Variants in WWOX observed in about 807,000 individuals in gnomAD.
The protein encoded by WWOX is WW domain-containing oxidoreductase.
Under a neutral mutation model 46.2 loss-of-function variants are expected in WWOX, and 69 were observed. The ratio of observed to expected loss-of-function variants is 1.49; its 90% confidence interval spans 1.23 to 1.82. The LOEUF (loss-of-function observed/expected upper bound fraction) is 1.82. Among genes scored for constraint, WWOX ranks in the 40% most tolerant of loss-of-function variants. The pLI is 0.00. For missense variants in WWOX, 919 were observed against 542.6 expected (o/e 1.69, Z -6.89); for synonymous variants, 359 against 202.6 (o/e 1.77, Z -6.56).
rs2085227750 is a variant in WWOX, at chr16:78,507,098, T to A, written c.1056+74346T>A. 2.0e-5 allele frequency among the ~76,000 whole-genome samples: 3 copies of A among 152,150 alleles called. No individual in the cohort carries two copies. In the South Asian group the frequency reaches 6.2e-4, roughly 32 times the overall value. ...CTAGCAGGAGCAACATCATCCCAAA[T>A]AAAGTGATAGACTTTGATAGTGTTC... On this transcript the variant is annotated intron_variant, in intron 8 of 8. Coordinates refer to ENST00000566780, the MANE Select transcript of WWOX (RefSeq NM_016373.4).
At chr16:78,679,773 A>G (rs1314312920) in intron 8 of WWOX, among the ~76,000 whole-genome samples, 1 of 152,208 alleles carries the variant, frequency 6.6e-6, no homozygotes, top group Non-Finnish European at 1.5e-5. Context: ...CTTCTCATTG[A>G]TGGCTGCCAA....
chr16:78,569,719 T>C (rs747327471), intron 8 of WWOX, among the ~76,000 whole-genome samples: 1 of 152,202 alleles, frequency 6.6e-6, no homozygotes, highest in Admixed American at 6.5e-5. Context: ...CGATACTAAT[T>C]TCATTAGTGA....
intron 8 of WWOX, among the ~76,000 whole-genome samples, chr16:78,504,868 T>C (rs2085154504): frequency 6.6e-6 from 1 of 152,184 alleles, no homozygotes; most frequent in African/African-American, 2.4e-5. Context: ...TATCTCGAGT[T>C]CTTAATCTGA....
chr16:78,951,119 G>T (rs1258362327), intron 8 of WWOX, among the ~76,000 whole-genome samples: 1 of 152,186 alleles, frequency 6.6e-6, no homozygotes, highest in East Asian at 1.9e-4. Context: ...GCCCTAACTT[G>T]CTTAGACCAA....
intron 8 of WWOX, among the ~76,000 whole-genome samples, chr16:79,023,452 G>GTTC (rs2047575366): frequency 6.6e-6 from 1 of 152,160 alleles, no homozygotes; most frequent in East Asian, 1.9e-4. Flanking sequence ...TGAGACTGGG[G>GTTC]ATGTTCATCA....
chr16:78,384,320 G>A (rs943189571), intron 5 of WWOX, among the ~76,000 whole-genome samples: 57 of 152,146 alleles, frequency 3.7e-4, no homozygotes, highest in African/African-American at 1.2e-3. Flanking sequence ...GGGACCAGAG[G>A]ACTTAGGATG....
intron 8 of WWOX, among the ~76,000 whole-genome samples, chr16:78,581,156 A>G (rs2045042555): frequency 6.6e-6 from 1 of 152,176 alleles, no homozygotes; most frequent in Non-Finnish European, 1.5e-5. Flanking sequence ...ACCGTATAAC[A>G]AGTGTTTTAA....
At chr16:79,192,459 G>C (rs1597462142) in intron 8 of WWOX, among the ~76,000 whole-genome samples, 1 of 152,172 alleles carries the variant, frequency 6.6e-6, no homozygotes, top group Admixed American at 6.5e-5. Flanking sequence ...GGAGCTTATT[G>C]CCTGCTGCAC....
intron 8 of WWOX, among the ~76,000 whole-genome samples, chr16:79,019,157 C>CAAAAAAAAAAAAAAA (rs903333994): frequency 3.7e-4 from 9 of 24,566 alleles, no homozygotes; most frequent in Non-Finnish European, 4.8e-4. Context: ...GACCTTGTCT[C>CAAAAAAAAAAAAAAA]AAAAAAAAAA....
Position 78,944,660 on chromosome 16 carries a change from C to T in WWOX, c.1057-266948C>T, listed in dbSNP as rs75229255. Among the ~76,000 whole-genome samples the T allele has an allele frequency of 6.9e-3, 1,050 of 152,184 alleles. 86 individuals are homozygous for T. In the East Asian group the frequency reaches 0.16, roughly 23 times the overall value. On this transcript the variant is annotated intron_variant, in intron 8 of 8. Coordinates refer to ENST00000566780, the MANE Select transcript of WWOX (RefSeq NM_016373.4). ...CGGGTCACCCATCCAATTGCTTTTG[C>T]GGAGATTCGAGCATGTGGGGAATGC...
At chr16:78,910,243 G>T (rs576761494) in intron 8 of WWOX, among the ~76,000 whole-genome samples, 4 of 150,158 alleles carry the variant, frequency 2.7e-5, no homozygotes, top group Admixed American at 6.6e-5. Flanking sequence ...TTACAAGCCA[G>T]TGCAGGTGGA....
chr16:78,548,039 C>T (rs868633570), intron 8 of WWOX, among the ~76,000 whole-genome samples: 2 of 151,050 alleles, frequency 1.3e-5, no homozygotes, highest in Admixed American at 6.6e-5. Context: ...CCTGTAATCT[C>T]AGGTACTCCA....
chr16:78,737,390 G>C (rs1404381359), intron 8 of WWOX, among the ~76,000 whole-genome samples: 9 of 152,026 alleles, frequency 5.9e-5, no homozygotes, highest in Non-Finnish European at 1.2e-4. Flanking sequence ...GCCTGCCTCA[G>C]CCTCCCAAAG....
At position 78,340,642 on chromosome 16, in the gene WWOX, T is replaced by G. The variant is rs1158242244; in HGVS notation, c.517-46218T>G. 2.5e-5 allele frequency among the ~76,000 whole-genome samples: 3 copies of G among 120,802 alleles called. 1 individual carries two copies. Among genetic ancestry groups the G allele is most frequent in the Non-Finnish European group, 5.9e-5 (3 of 50,596 alleles). The allele number at this position is 120,802 out of a possible 152,430, so 79.3% of individuals were successfully genotyped here. On this transcript the variant is annotated intron_variant, in intron 5 of 8. Coordinates refer to ENST00000566780, the MANE Select transcript of WWOX (RefSeq NM_016373.4). Reference sequence around the variant, plus strand: ...AACTGTGGACTCCTCTGAAGGATGATCTGGCTGGACTATTTTTTGGGAAAA... The same window carrying G: ...AACTGTGGACTCCTCTGAAGGATGAGCTGGCTGGACTATTTTTTGGGAAAA...
intron 8 of WWOX, among the ~76,000 whole-genome samples, chr16:78,631,168 G>T (rs1396309208): frequency 2.0e-5 from 3 of 152,060 alleles, no homozygotes; most frequent in African/African-American, 7.2e-5. Context: ...TATTTGGGGG[G>T]GTTCCTTGAA....
At chr16:78,642,303 G>C (rs1014786698) in intron 8 of WWOX, among the ~76,000 whole-genome samples, 1 of 152,192 alleles carries the variant, frequency 6.6e-6, no homozygotes, top group South Asian at 2.1e-4. Context: ...ATAAAGGATA[G>C]GACTAGGAAT....
chr16:78,448,974 G>T (rs1317351805), intron 8 of WWOX, among the ~76,000 whole-genome samples: 1 of 152,258 alleles, frequency 6.6e-6, no homozygotes, highest in African/African-American at 2.4e-5. Flanking sequence ...GGTTACAGAG[G>T]GAACTTTTTA....
chr16:78,996,414 G>A, intron 8 of WWOX: 1 of 875,778 alleles, frequency 1.1e-6, no homozygotes, highest in Non-Finnish European at 1.3e-6. Context: ...AAAATGATTT[G>A]CTCAAAGTTT....
chr16:78,763,522 C>T (rs1200902182), intron 8 of WWOX, among the ~76,000 whole-genome samples: 1 of 152,118 alleles, frequency 6.6e-6, no homozygotes, highest in Admixed American at 6.5e-5. Context: ...CAATTTTTTA[C>T]ATAGAGTATG....
Sources: gnomAD v4.1 joint callset for allele counts (sites outside exome capture counted in the v4.1 genomes callset) on GRCh38, gnomAD v4.1.1 for gene constraint, MANE v1.5 for transcripts, NCBI Gene and HGNC (gene_info 2026-07-23, HGNC 2026-07-21) for gene names.